RNF130: variants seen among roughly 807,000 people sequenced by gnomAD.
The protein encoded by RNF130 is E3 ubiquitin-protein ligase RNF130.
RNF130 carries 21 observed loss-of-function variants against 44.6 expected under a neutral mutation model. The ratio of observed to expected loss-of-function variants is 0.47; its 90% CI spans 0.33 to 0.68. RNF130 has a LOEUF of 0.68. RNF130 is among the 30% of genes least tolerant of loss of function. The pLI is 0.02. For missense variants in RNF130, 479 were observed against 560.6 expected (o/e 0.85, Z 1.47); for synonymous variants, 214 against 210.4 (o/e 1.02, Z -0.15).
At chr5:179,983,463 T>C (rs892071184) in intron 3 of RNF130, among the ~76,000 whole-genome samples, 4 of 151,876 alleles carry the variant, frequency 2.6e-5, no homozygotes, top group African/African-American at 7.3e-5. Flanking sequence ...AATATGTGGG[T>C]CTATGTGCGG....
intron 3 of RNF130, among the ~76,000 whole-genome samples, chr5:180,004,567 C>T (rs1446229484): frequency 6.6e-6 from 1 of 152,188 alleles, no homozygotes; most frequent in East Asian, 1.9e-4. Context: ...GCCAGATTAT[C>T]TTATCTCATC....
intron 4 of RNF130, 110 bp from the exon 5 acceptor site, chr5:179,978,395 TAAACTGAA>T: frequency 1.4e-6 from 1 of 720,820 alleles, no homozygotes; most frequent in South Asian, 1.7e-5. Context: ...GCAAGTGTTA[TAAACTGAA>T]AAATGATTAA....
intron 3 of RNF130, among the ~76,000 whole-genome samples, chr5:179,986,783 G>A (rs1762962956): frequency 6.6e-6 from 1 of 152,130 alleles, no homozygotes; most frequent in Non-Finnish European, 1.5e-5. Context: ...AAATAGACTA[G>A]TATCTACATG....
intron 6 of RNF130, among the ~76,000 whole-genome samples, chr5:179,968,414 C>T (rs912661123): frequency 6.6e-6 from 1 of 152,060 alleles, no homozygotes; most frequent in Non-Finnish European, 1.5e-5. Flanking sequence ...GCCTGTAATC[C>T]CGGCACTGTG....
intron 2 of RNF130, among the ~76,000 whole-genome samples, chr5:180,021,005 C>T (rs963200981): frequency 3.3e-5 from 5 of 151,936 alleles, no homozygotes; most frequent in African/African-American, 9.7e-5. Context: ...TCTTTTGAGA[C>T]GGAGTCTCAC....
At chr5:180,068,974 C>T (rs985175387) in intron 1 of RNF130, among the ~76,000 whole-genome samples, 14 of 152,272 alleles carry the variant, frequency 9.2e-5, no homozygotes, top group Admixed American at 6.5e-4. Context: ...TAAAGATGCA[C>T]TATTTTTTCT....
At chr5:179,925,731 T>C (rs2113672575) in intron 7 of RNF130, among the ~76,000 whole-genome samples, 1 of 152,146 alleles carries the variant, frequency 6.6e-6, no homozygotes, top group African/African-American at 2.4e-5. Context: ...CAGGGTCTTG[T>C]TAGGTTGACC....
intron 7 of RNF130, among the ~76,000 whole-genome samples, chr5:179,947,230 A>T (rs879702552): frequency 6.6e-6 from 1 of 152,158 alleles, no homozygotes; most frequent in East Asian, 1.9e-4. Context: ...CCACTATTTT[A>T]TTATTTTCAG....
At chr5:180,038,383 G>A (rs1192140970) in intron 2 of RNF130, among the ~76,000 whole-genome samples, 3 of 133,556 alleles carry the variant, frequency 2.2e-5, no homozygotes, top group African/African-American at 7.7e-5. Flanking sequence ...CCTGTCTCGG[G>A]GAGGGGGAAA....
At chr5:179,954,978 TGA>T (rs1762181004), downstream of RNF130, 1 of 152,252 alleles carries the variant, frequency 6.6e-6, no homozygotes. Context: ...CCTACTTTTT[TGA>T]GTTTGCTGTT....
chr5:179,936,283 G>A (rs965858141), intron 7 of RNF130, among the ~76,000 whole-genome samples: 1 of 152,114 alleles, frequency 6.6e-6, no homozygotes, highest in African/African-American at 2.4e-5. Flanking sequence ...AAAATTTTTT[G>A]TAGAGACAGG....
chr5:180,032,169 A>G (rs1004920268), intron 2 of RNF130, among the ~76,000 whole-genome samples: 4 of 152,148 alleles, frequency 2.6e-5, no homozygotes, highest in African/African-American at 9.7e-5. Context: ...TTGTTTTTCA[A>G]TGGTTTCTTT....
chr5:179,912,050 T>A (rs1248862322), exon 8 of RNF130: 2 of 152,242 alleles, frequency 1.3e-5, no homozygotes, highest in African/African-American at 4.8e-5. Flanking sequence ...AGATAAATCA[T>A]TTGCCACATT....
At chr5:179,928,838 C>T (rs1162492097) in intron 7 of RNF130, among the ~76,000 whole-genome samples, 1 of 152,030 alleles carries the variant, frequency 6.6e-6, no homozygotes, top group African/African-American at 2.4e-5. Flanking sequence ...ACCGTGTTAG[C>T]CAGGATGGTC....
At chr5:179,942,491 T>A (rs1761979741) in intron 7 of RNF130, among the ~76,000 whole-genome samples, 1 of 152,180 alleles carries the variant, frequency 6.6e-6, no homozygotes, top group Non-Finnish European at 1.5e-5. Context: ...TAAGTAACTG[T>A]TTTTGGATTA....
chr5:179,922,911 G>A (rs1374529794), intron 7 of RNF130, among the ~76,000 whole-genome samples: 1 of 151,950 alleles, frequency 6.6e-6, no homozygotes, highest in Admixed American at 6.6e-5. Context: ...TCCAGCCTGT[G>A]CTACAGAAAA....
At chr5:180,059,622 T>C (rs1382399091) in intron 1 of RNF130, among the ~76,000 whole-genome samples, 1 of 152,098 alleles carries the variant, frequency 6.6e-6, no homozygotes, top group Non-Finnish European at 1.5e-5. Flanking sequence ...TAAGGAGTCA[T>C]AGAAAAGAAA....
exon 8 of RNF130, chr5:179,911,949 T>C (rs952386748): frequency 1.3e-5 from 2 of 152,252 alleles, no homozygotes; most frequent in Non-Finnish European, 2.9e-5. Context: ...GAATATTGAC[T>C]GTTCTTTCTG....
chr5:180,050,986 CA>C (rs1051149809), intron 1 of RNF130, among the ~76,000 whole-genome samples: 1 of 151,840 alleles, frequency 6.6e-6, no homozygotes, highest in Non-Finnish European at 1.5e-5. Flanking sequence ...GTATTTACCC[CA>C]ACATGAGGTC....
Sources: gnomAD v4.1 joint callset for allele counts (sites outside exome capture counted in the v4.1 genomes callset) on GRCh38, gnomAD v4.1.1 for gene constraint, MANE v1.5 for transcripts, NCBI Gene and HGNC (gene_info 2026-07-23, HGNC 2026-07-21) for gene names.